Variants in BBS9 observed in about 807,000 individuals in gnomAD.
BBS9 encodes protein PTHB1.
BBS9 carries 89 observed loss-of-function variants against 117.7 expected under a neutral mutation model. The observed-to-expected ratio is 0.76, with a 90% CI of 0.64 to 0.90. BBS9 has a LOEUF of 0.90. Ranked by LOEUF, BBS9 falls within the 40% of genes least tolerant of loss-of-function variation. The pLI is 0.00. For synonymous variants in BBS9, 379 were observed against 370.9 expected, an observed-to-expected ratio of 1.02 and a Z score of -0.25; for missense variants, 982 against 1,042.2, an observed-to-expected ratio of 0.94 and a Z score of 0.80.
intron 5 of BBS9, among the ~76,000 whole-genome samples, chr7:33,246,315 A>G (rs893634169): frequency 6.6e-6 from 1 of 151,438 alleles, no homozygotes; most frequent in Admixed American, 6.6e-5. Context: ...TTTTTCCACA[A>G]CATTAATTAA....
intron 21 of BBS9, among the ~76,000 whole-genome samples, chr7:33,562,045 A>G (rs1267246763): frequency 6.6e-6 from 1 of 152,242 alleles, no homozygotes; most frequent in African/African-American, 2.4e-5. Flanking sequence ...TAGAGTTGCC[A>G]TTGAAATTTC....
intron 5 of BBS9, among the ~76,000 whole-genome samples, chr7:33,238,319 T>G (rs143621639): frequency 0.038 from 5,753 of 152,114 alleles, 195 homozygotes; most frequent in African/African-American, 0.088. Context: ...AGACGGAGTT[T>G]CGCTCTTGCT....
At chr7:33,406,840 C>T (rs761468804) in intron 19 of BBS9, among the ~76,000 whole-genome samples, 32 of 152,088 alleles carry the variant, frequency 2.1e-4, no homozygotes, top group Admixed American at 1.6e-3. Flanking sequence ...GTGGGTAACC[C>T]GACCTTTCTC....
chr7:33,442,843 C>G (rs577745398), intron 19 of BBS9, among the ~76,000 whole-genome samples: 37 of 152,110 alleles, frequency 2.4e-4, no homozygotes, highest in Non-Finnish European at 4.1e-4. Context: ...GCAGCCATTA[C>G]CTGCATTGGT....
At chr7:33,604,104 G>A (rs1864220948) in intron 21 of BBS9, among the ~76,000 whole-genome samples, 1 of 152,134 alleles carries the variant, frequency 6.6e-6, no homozygotes, top group Non-Finnish European at 1.5e-5. Flanking sequence ...AAAAAAGCAT[G>A]TACAGTATAC....
chr7:33,497,082 G>C (rs1023108264), intron 19 of BBS9, among the ~76,000 whole-genome samples: 1 of 152,116 alleles, frequency 6.6e-6, no homozygotes, highest in East Asian at 1.9e-4. Flanking sequence ...CTGAGAGTGC[G>C]CCTTTCCAAC....
intron 19 of BBS9, among the ~76,000 whole-genome samples, chr7:33,393,399 C>G (rs1409214593): frequency 6.6e-6 from 1 of 152,088 alleles, no homozygotes; most frequent in Non-Finnish European, 1.5e-5. Flanking sequence ...ACACAGAGCC[C>G]TGTTTTTGGT....
At chr7:33,536,898 G>A (rs1851534405) in intron 21 of BBS9, among the ~76,000 whole-genome samples, 1 of 151,658 alleles carries the variant, frequency 6.6e-6, no homozygotes, top group Admixed American at 6.6e-5. Context: ...ATACTGTGAG[G>A]AGTTATTTCT....
intron 5 of BBS9, among the ~76,000 whole-genome samples, chr7:33,239,542 T>C (rs935701227): frequency 2.0e-5 from 3 of 152,138 alleles, no homozygotes. Flanking sequence ...CCCAAGTAGC[T>C]GGGATTACAG....
chr7:33,542,063 A>G (rs1852401689), intron 21 of BBS9, among the ~76,000 whole-genome samples: 1 of 151,764 alleles, frequency 6.6e-6, no homozygotes, highest in Non-Finnish European at 1.5e-5. Flanking sequence ...ATTGGGGTAC[A>G]GGTGGTATTT....
chr7:33,171,348 T>C (rs1323065834), intron 4 of BBS9, among the ~76,000 whole-genome samples: 1 of 152,086 alleles, frequency 6.6e-6, no homozygotes, highest in Non-Finnish European at 1.5e-5. Flanking sequence ...AAACAAGCAG[T>C]GGGGAAAGGA....
intron 9 of BBS9, among the ~76,000 whole-genome samples, chr7:33,333,146 G>A (rs1814495042): frequency 6.6e-6 from 1 of 151,904 alleles, no homozygotes; most frequent in Non-Finnish European, 1.5e-5. Flanking sequence ...TGTGATTTTG[G>A]TGCACCTGTC....
At chr7:33,378,578 AAGG>A (rs780853718) in intron 17 of BBS9, among the ~76,000 whole-genome samples, 1 of 152,200 alleles carries the variant, frequency 6.6e-6, no homozygotes, top group Non-Finnish European at 1.5e-5. Flanking sequence ...ATTTTTATAA[AAGG>A]AGAAGAGAAA....
chr7:33,400,087 G>A (rs73689611), intron 19 of BBS9, among the ~76,000 whole-genome samples: 2,462 of 152,074 alleles, frequency 0.016, 76 homozygotes, highest in African/African-American at 0.057. Flanking sequence ...TGGCTGTATT[G>A]TAAATTTAAT....
chr7:33,365,084 T>C lies in BBS9; in HGVS notation c.1694-2683T>C, dbSNP rs539434563. Among the ~76,000 whole-genome samples the C allele has an allele frequency of 7.2e-5, 11 of 152,054 alleles. No individual in the cohort carries two copies. In the South Asian group the frequency reaches 2.3e-3, roughly 32 times the overall value. On this transcript the variant is annotated intron_variant, in intron 16 of 22. Coordinates refer to ENST00000242067, the MANE Select transcript of BBS9 (RefSeq NM_198428.3). Reference sequence around the variant, plus strand: ...TATTCTTCTGGGTTTTGTTTCTCTTTTTTTTTCTTTTTTCTTTTTTTTCCT... The same window carrying C: ...TATTCTTCTGGGTTTTGTTTCTCTTCTTTTTTCTTTTTTCTTTTTTTTCCT...
At chr7:33,409,409 A>G (rs1460769964) in intron 19 of BBS9, among the ~76,000 whole-genome samples, 1 of 152,198 alleles carries the variant, frequency 6.6e-6, no homozygotes, top group Non-Finnish European at 1.5e-5. Context: ...TTCATTGAAT[A>G]GGGAGTCTCT....
chr7:33,350,122 G>T (rs535408904), intron 13 of BBS9, among the ~76,000 whole-genome samples: 1 of 152,238 alleles, frequency 6.6e-6, no homozygotes, highest in East Asian at 1.9e-4. Flanking sequence ...CATTAGTCCT[G>T]TTAAGATAAT....
At chr7:33,399,840 T>A (rs919803753) in intron 19 of BBS9, among the ~76,000 whole-genome samples, 7 of 152,110 alleles carry the variant, frequency 4.6e-5, no homozygotes, top group Non-Finnish European at 7.4e-5. Context: ...AACATTGGAG[T>A]TATGGTTCCC....
intron 21 of BBS9, among the ~76,000 whole-genome samples, chr7:33,582,500 A>T (rs1165110751): frequency 1.3e-5 from 2 of 151,732 alleles, no homozygotes; most frequent in Non-Finnish European, 2.9e-5. Flanking sequence ...TTCCCTTTTC[A>T]TAGTTATACC....
Sources: allele counts gnomAD v4.1 joint callset (sites outside exome capture counted in the v4.1 genomes callset), GRCh38; gene constraint gnomAD v4.1.1; transcripts MANE v1.5; gene names NCBI Gene and HGNC (gene_info 2026-07-23, HGNC 2026-07-21).